Variants in AKNA observed in about 807,000 individuals in gnomAD.
AKNA encodes AT-hook transcription factor.
A neutral mutation model predicts 138.8 loss-of-function variants in AKNA; 67 were observed. That is an observed-to-expected ratio of 0.48 (90% CI 0.40 to 0.59). The LOEUF (loss-of-function observed/expected upper bound fraction) is 0.59. Ranked by LOEUF, AKNA falls within the 20% of genes least tolerant of loss-of-function variation. AKNA has a pLI of 0.00. For synonymous variants in AKNA, 737 were observed against 754.4 expected, an observed-to-expected ratio of 0.98 and a Z score of 0.38; for missense variants, 1,813 against 1,880.4, an observed-to-expected ratio of 0.96 and a Z score of 0.66.
At chr9:114,369,087 T>C (rs1407099382) in intron 4 of AKNA, among the ~76,000 whole-genome samples, 2 of 152,242 alleles carry the variant, frequency 1.3e-5, no homozygotes, top group Non-Finnish European at 2.9e-5. Flanking sequence ...CTAATAGCTA[T>C]TCGAATGAAT....
intron 1 of AKNA, among the ~76,000 whole-genome samples, chr9:114,382,755 G>A (rs965417092): frequency 6.6e-6 from 1 of 152,148 alleles, no homozygotes; most frequent in African/African-American, 2.4e-5. Context: ...TGATTCTATG[G>A]ATAGGAAATA....
intron 14 of AKNA, among the ~76,000 whole-genome samples, chr9:114,353,677 T>C (rs1440733547): frequency 6.6e-6 from 1 of 152,238 alleles, no homozygotes; most frequent in Non-Finnish European, 1.5e-5. Flanking sequence ...CCCACACCTA[T>C]TACATATGTG....
At chr9:114,366,880 G>C (rs1331290846) in intron 6 of AKNA, among the ~76,000 whole-genome samples, 1 of 152,130 alleles carries the variant, frequency 6.6e-6, no homozygotes, top group African/African-American at 2.4e-5. Flanking sequence ...CTAAATGTGT[G>C]ACTCTAATGT....
intron 7 of AKNA, 33 bp downstream of exon 7, chr9:114,364,527 A>C (rs751868606): frequency 6.2e-7 from 1 of 1,610,866 alleles, no homozygotes; most frequent in Non-Finnish European, 8.5e-7. Flanking sequence ...GTTGTCTGGC[A>C]GTTCCATGGG....
At chr9:114,349,771 A>C (rs1830976416) in intron 15 of AKNA, among the ~76,000 whole-genome samples, 1 of 151,118 alleles carries the variant, frequency 6.6e-6, no homozygotes, top group African/African-American at 2.4e-5. Context: ...TCAACACTCC[A>C]CCCCCTCACA....
downstream of AKNA, chr9:114,331,608 G>A (rs1296922172): frequency 1.2e-6 from 2 of 1,613,872 alleles, no homozygotes; most frequent in East Asian, 2.2e-5. Flanking sequence ...GTTCCTTAGG[G>A]ACACCAAGAC....
chr9:114,340,533 C>T (rs1588938988), intron 21 of AKNA, among the ~76,000 whole-genome samples: 1 of 152,246 alleles, frequency 6.6e-6, no homozygotes, highest in Non-Finnish European at 1.5e-5. Flanking sequence ...ACAAACTCCA[C>T]ACACTTCTCA....
chr9:114,376,867 A>T lies in AKNA; in HGVS notation c.940T>A (p.Ser314Thr), dbSNP rs1366083767. ...GGCTGGGGATTCAGGGGGCTGATGG[A>T]GCCAATGAATCGGGAAGGGAGTGGC... ...PKPLPSRFIG[S>T]ISPLNPQPRP... is the part of the protein sequence containing the mutation. Residue 314 changes from serine to threonine, a missense_variant, in exon 3 of 22, where the codon TCC becomes ACC. Physicochemically the swap from Ser to Thr is moderately conservative, Grantham distance 58 (BLOSUM62 1). Coordinates refer to ENST00000374088, the MANE Select transcript of AKNA (RefSeq NM_001317950.2). 3 of 1,614,144 alleles carry T rather than the reference A, an allele frequency of 1.9e-6. No individual in the cohort carries two copies. The highest frequency in any genetic ancestry group is 2.5e-6 in the Non-Finnish European group (3 of 1,179,998).
upstream of AKNA, among the ~76,000 whole-genome samples, chr9:114,391,872 A>AAAAAC (rs1834357078): frequency 6.7e-6 from 1 of 149,290 alleles, no homozygotes; most frequent in South Asian, 2.1e-4. Context: ...AAAAAAAAAA[A>AAAAAC]AACACCAAAA....
At chr9:114,389,952 T>A (rs182889694), upstream of AKNA, among the ~76,000 whole-genome samples, 2 of 152,248 alleles carry the variant, frequency 1.3e-5, no homozygotes, top group Non-Finnish European at 2.9e-5. Flanking sequence ...CAGCCCCACA[T>A]GGAGCAGAGC....
At chr9:114,397,369 T>A (rs560136913), upstream of AKNA, among the ~76,000 whole-genome samples, 58 of 152,334 alleles carry the variant, frequency 3.8e-4, no homozygotes, top group African/African-American at 1.3e-3. Flanking sequence ...AGTCCCTGTA[T>A]GTATCTAACT....
At chr9:114,367,770 T>G in intron 5 of AKNA, 73 bp from the exon 6 acceptor site, 1 of 1,467,584 alleles carries the variant, frequency 6.8e-7, no homozygotes, top group Non-Finnish European at 9.1e-7. Context: ...AGGCTGAACG[T>G]CAAAGCCACC....
At chr9:114,392,176 C>T (rs986102707), upstream of AKNA, among the ~76,000 whole-genome samples, 5 of 151,460 alleles carry the variant, frequency 3.3e-5, no homozygotes, top group African/African-American at 1.2e-4. Flanking sequence ...CCAGAGTGAA[C>T]CAAGAAGAAA....
rs1829931350 is a variant in AKNA at position 114,334,759 on chromosome 9, G to A, written c.*2295C>T. On this transcript the variant is annotated 3_prime_UTR_variant, in exon 22 of 22. Transcript: ENST00000374088. ...TGTGCAGCTGCGTATACCATCCAGG[G>A]TGATAGGACCATGAGCCCGAGGCCC... 1.4e-5 allele frequency: 2 copies of A among 146,744 alleles called. 1 individual carries two copies. The highest frequency in any genetic ancestry group is 5.5e-5 in the African/African-American group (2 of 36,320). The allele number at this position is 146,744 out of a possible 1,614,324, so 9.1% of individuals were successfully genotyped here.
chr9:114,371,253 TGGTGTCACTCGTGGGCTTCAGAGCTA>T (rs1251037439), intron 4 of AKNA, among the ~76,000 whole-genome samples: 2 of 152,226 alleles, frequency 1.3e-5, no homozygotes, highest in African/African-American at 4.8e-5. Flanking sequence ...TGCTAGAGTG[TGGTGTCACTCGTGGGCTTCAGAGCTA>T]GGCTGCCGAG....
Position 114,341,538 on chromosome 9 carries a change from G to T in AKNA, c.4062C>A (p.Ala1354=), listed in dbSNP as rs558717087. ...GTCAGAATGAAGGCTCTTACACAGCGGCAGGTGGATAAGGCATGATGGGAA... is the reference window on the plus strand; with the variant it reads ...GTCAGAATGAAGGCTCTTACACAGCTGCAGGTGGATAAGGCATGATGGGAA... ...SSVPIMPYPP[A]AVYYAPAGPT... The change falls in exon 21 of 22, where the codon GCC becomes GCA. Residue 1354 remains alanine (A), a synonymous_variant. Transcript: ENST00000374088. The T allele has an allele frequency of 6.2e-7, 1 of 1,614,062 alleles. No homozygotes were observed. Among genetic ancestry groups the T allele is most frequent in the Non-Finnish European group, 8.5e-7 (1 of 1,179,996 alleles).
At chr9:114,359,482 C>T in intron 11 of AKNA, 112 bp downstream of exon 11, 1 of 1,579,368 alleles carries the variant, frequency 6.3e-7, no homozygotes, top group Non-Finnish European at 8.6e-7. Context: ...AGAGGCAGGA[C>T]AGGTAAGCCA....
At chr9:114,331,627 T>C (rs151073288), downstream of AKNA, 9 of 1,613,998 alleles carry the variant, frequency 5.6e-6, no homozygotes, top group South Asian at 2.2e-5. Context: ...ACCTTGATGT[T>C]TGGTTCCTAC....
chr9:114,392,618 C>T (rs1373751914), upstream of AKNA, among the ~76,000 whole-genome samples: 2 of 152,234 alleles, frequency 1.3e-5, no homozygotes, highest in African/African-American at 4.8e-5. Context: ...AATGACTGTT[C>T]ACAAATAAAT....
Sources: allele counts gnomAD v4.1 joint callset (sites outside exome capture counted in the v4.1 genomes callset), GRCh38; gene constraint gnomAD v4.1.1; transcripts MANE v1.5; gene names NCBI Gene and HGNC (gene_info 2026-07-23, HGNC 2026-07-21).